The following KLHL1 variants were observed in gnomAD, a reference collection of about 807,000 sequenced individuals.
KLHL1 encodes kelch like family member 1, also known as kelch-like protein 1.
In KLHL1, 47 loss-of-function variants were observed where a neutral mutation model predicts 77.7. That is an observed-to-expected ratio of 0.60 (90% CI 0.48 to 0.77). KLHL1 has a LOEUF of 0.77. Among genes scored for constraint, KLHL1 ranks in the 30% least tolerant of loss-of-function variants. The pLI is 0.00. For synonymous variants in KLHL1, 360 were observed against 325.2 expected (o/e 1.11, Z -1.15); for missense variants, 925 against 910.8 (o/e 1.02, Z -0.20).
chr13:70,048,367 T>C (rs954089954), intron 1 of KLHL1, among the ~76,000 whole-genome samples: 1 of 152,226 alleles, frequency 6.6e-6, no homozygotes, highest in Non-Finnish European at 1.5e-5. Flanking sequence ...ACACTTATCT[T>C]TAACTATATT....
Position 69,814,904 on chromosome 13 carries a change from G to A in KLHL1, c.1415-17942C>T, listed in dbSNP as rs560847180. ...GGTGTGCCTGTAGTCCCAGCTACTC[G>A]GGAGGCTGAGGCAGGAGAATTGCTT... On this transcript the variant is annotated intron_variant, in intron 6 of 10. Coordinates refer to ENST00000377844, the MANE Select transcript of KLHL1 (RefSeq NM_020866.3). Among the ~76,000 whole-genome samples, 96 of 152,090 alleles carry A rather than the reference G, an allele frequency of 6.3e-4. 4 individuals are homozygous for A. In the South Asian group the frequency reaches 0.013, roughly 20 times the overall value.
rs746664089 is a variant in KLHL1 at position 70,107,259 on chromosome 13, C to T, written c.441G>A (p.Glu147=). The change falls in exon 1 of 11, where the codon GAG becomes GAA. Residue 147 remains glutamate (E), a synonymous_variant. Transcript: ENST00000377844. Reference sequence around the variant, plus strand: ...TAGAGTTGTCTGGCTCCACTTTGAGCTCTTGCAGAACCAGCCCTTTTTCGT... The same window carrying T: ...TAGAGTTGTCTGGCTCCACTTTGAGTTCTTGCAGAACCAGCCCTTTTTCGT... ...GPHEKGLVLQ[E]LKVEPDNSSQ... The T allele has an allele frequency of 6.2e-7, 1 of 1,614,032 alleles. No homozygotes were observed. Among genetic ancestry groups the T allele is most frequent in the East Asian group, 2.2e-5 (1 of 44,862 alleles).
intron 1 of KLHL1, among the ~76,000 whole-genome samples, chr13:70,049,466 A>G (rs1346473625): frequency 3.9e-5 from 6 of 152,156 alleles, no homozygotes; most frequent in Non-Finnish European, 5.9e-5. Context: ...AAACATCAGC[A>G]TGCTTCTAAA....
intron 1 of KLHL1, among the ~76,000 whole-genome samples, chr13:70,037,921 T>A (rs963837833): frequency 6.6e-6 from 1 of 152,180 alleles, no homozygotes; most frequent in Non-Finnish European, 1.5e-5. Context: ...TAGACTTTTT[T>A]ATATACATTT....
intron 4 of KLHL1, among the ~76,000 whole-genome samples, chr13:69,937,885 G>T (rs1199071270): frequency 6.6e-6 from 1 of 152,138 alleles, no homozygotes; most frequent in Non-Finnish European, 1.5e-5. Flanking sequence ...TACATCTAAA[G>T]AGTTTGGGCA....
chr13:69,796,621 GT>G, intron 7 of KLHL1, 116 bp downstream of exon 7: 1 of 762,298 alleles, frequency 1.3e-6, no homozygotes, highest in South Asian at 1.9e-5. Context: ...CCAGGTTCAG[GT>G]ATTCCTTTAT....
At chr13:69,880,932 T>C (rs1880966053) in intron 5 of KLHL1, among the ~76,000 whole-genome samples, 1 of 152,168 alleles carries the variant, frequency 6.6e-6, no homozygotes, top group South Asian at 2.1e-4. Flanking sequence ...TATCATTGGC[T>C]TTCTGGCTAA....
chr13:69,983,025 C>A (rs765551106), intron 1 of KLHL1, among the ~76,000 whole-genome samples: 1 of 151,880 alleles, frequency 6.6e-6, no homozygotes. Context: ...GATATAAAAT[C>A]AAAATGTAAA....
intron 1 of KLHL1, among the ~76,000 whole-genome samples, chr13:70,092,713 AAAAAC>A (rs1887697805): frequency 6.6e-6 from 1 of 152,190 alleles, no homozygotes; most frequent in Non-Finnish European, 1.5e-5. Flanking sequence ...ATGTTATACT[AAAAAC>A]AAAGAGAAAT....
intron 1 of KLHL1, among the ~76,000 whole-genome samples, chr13:70,047,331 G>A (rs1445767075): frequency 6.6e-6 from 1 of 150,566 alleles, no homozygotes; most frequent in African/African-American, 2.4e-5. Context: ...CTGTATTCCA[G>A]TAGAGAAATG....
At chr13:69,740,638 C>T in intron 7 of KLHL1, 82 bp from the exon 8 acceptor site, 1 of 957,462 alleles carries the variant, frequency 1.0e-6, no homozygotes, top group Non-Finnish European at 1.5e-6. Flanking sequence ...GGGTAGATCT[C>T]ATGTTAAGTG....
chr13:70,083,295 T>C (rs1887439111), intron 1 of KLHL1, among the ~76,000 whole-genome samples: 1 of 152,218 alleles, frequency 6.6e-6, no homozygotes, highest in Admixed American at 6.5e-5. Context: ...AGTAATATCA[T>C]GTAAGATGGG....
At chr13:69,787,333 C>T (rs1285201462) in intron 7 of KLHL1, among the ~76,000 whole-genome samples, 1 of 152,090 alleles carries the variant, frequency 6.6e-6, no homozygotes, top group African/African-American at 2.4e-5. Flanking sequence ...TGGAACAGAA[C>T]AGAGCCCTCA....
intron 1 of KLHL1, among the ~76,000 whole-genome samples, chr13:70,029,866 A>T (rs1204633580): frequency 6.6e-6 from 1 of 152,210 alleles, no homozygotes; most frequent in Non-Finnish European, 1.5e-5. Context: ...TCTCATGTGC[A>T]GAGACACACG....
chr13:70,102,789 G>C lies in KLHL1; in HGVS notation c.497+4414C>G, dbSNP rs1001293790. On this transcript the variant is annotated intron_variant, in intron 1 of 10. Coordinates refer to ENST00000377844, the MANE Select transcript of KLHL1 (RefSeq NM_020866.3). ...TAAGATGTTATTAATTTTAACTTAC[G>C]CATATAAATATTCAACATGCTAACT... Among the ~76,000 whole-genome samples the C allele has an allele frequency of 2.6e-5, 4 of 152,240 alleles. No homozygotes were observed. In the South Asian group the frequency reaches 8.3e-4, roughly 32 times the overall value.
chr13:69,920,390 A>C (rs537356129), intron 4 of KLHL1, among the ~76,000 whole-genome samples: 39 of 152,276 alleles, frequency 2.6e-4, no homozygotes, highest in African/African-American at 8.4e-4. Context: ...ATTTTAAGAA[A>C]TATTTAGGCA....
At chr13:70,060,365 A>C (rs866786049) in intron 1 of KLHL1, among the ~76,000 whole-genome samples, 1 of 152,310 alleles carries the variant, frequency 6.6e-6, no homozygotes, top group Middle Eastern at 3.4e-3. Context: ...CAGGTTCTGC[A>C]AAAACCTAAA....
chr13:69,843,957 TATTG>T (rs1468029586), intron 5 of KLHL1, among the ~76,000 whole-genome samples: 1 of 151,724 alleles, frequency 6.6e-6, no homozygotes, highest in African/African-American at 2.4e-5. Context: ...AGACTAATGT[TATTG>T]ATTAATTAAT....
intron 1 of KLHL1, among the ~76,000 whole-genome samples, chr13:70,101,386 T>C (rs1463552481): frequency 6.6e-6 from 1 of 152,094 alleles, no homozygotes. Flanking sequence ...CAAGTAGTTC[T>C]GGAGTTTTGG....
Sources: allele counts gnomAD v4.1 joint callset (sites outside exome capture counted in the v4.1 genomes callset), GRCh38; gene constraint gnomAD v4.1.1; transcripts MANE v1.5; gene names NCBI Gene and HGNC (gene_info 2026-07-23, HGNC 2026-07-21).